LRRK2: variants seen among roughly 807,000 people sequenced by gnomAD.
LRRK2 encodes leucine rich repeat kinase 2.
A neutral mutation model predicts 302.6 loss-of-function variants in LRRK2; 203 were observed. The ratio of observed to expected loss-of-function variants is 0.67; its 90% CI spans 0.60 to 0.75. LRRK2 has a LOEUF of 0.75. LRRK2 is among the 30% of genes least tolerant of loss of function. LRRK2 has a pLI of 0.00. For synonymous variants in LRRK2, 1,066 were observed against 1,031.9 expected (o/e 1.03, Z -0.63); for missense variants, 2,830 against 2,951.0 (o/e 0.96, Z 0.95).
At chr12:40,353,126 G>A (rs1307713610) in intron 44 of LRRK2, among the ~76,000 whole-genome samples, 5 of 151,836 alleles carry the variant, frequency 3.3e-5, no homozygotes, top group Admixed American at 1.3e-4. Flanking sequence ...GCCCAGCGGA[G>A]ACGCTCCTCA....
At chr12:40,277,696 A>C (rs371482512) in intron 16 of LRRK2, among the ~76,000 whole-genome samples, 192 bp from the exon 17 acceptor site, 1 of 152,110 alleles carries the variant, frequency 6.6e-6, no homozygotes, top group Non-Finnish European at 1.5e-5. Context: ...TGTGCCTGCT[A>C]TATTTCTTAG....
intron 14 of LRRK2, among the ~76,000 whole-genome samples, chr12:40,266,797 A>G (rs1394018777): frequency 2.0e-5 from 3 of 152,106 alleles, no homozygotes; most frequent in Non-Finnish European, 4.4e-5. Flanking sequence ...TGTGGCACAT[A>G]TACACCATGG....
At chr12:40,359,096 A>C (rs1159256756) in intron 46 of LRRK2, among the ~76,000 whole-genome samples, 164 bp from the exon 47 acceptor site, 2 of 152,016 alleles carry the variant, frequency 1.3e-5, no homozygotes, top group Non-Finnish European at 2.9e-5. Flanking sequence ...CATTTATCAG[A>C]ACTAAGAGTT....
At chr12:40,287,113 C>T (rs1943954936) in intron 19 of LRRK2, among the ~76,000 whole-genome samples, 1 of 151,912 alleles carries the variant, frequency 6.6e-6, no homozygotes. Context: ...AAGTTAGTTC[C>T]ATAGAGATTC....
intron 13 of LRRK2, 129 bp from the exon 14 acceptor site, chr12:40,263,660 C>T (rs992055671): frequency 3.4e-6 from 2 of 588,800 alleles, no homozygotes; most frequent in Non-Finnish European, 6.0e-6. Flanking sequence ...GATAAGGAAA[C>T]ATGTACTAGA....
chr12:40,226,363 A>T (rs1290071285), intron 2 of LRRK2, among the ~76,000 whole-genome samples: 1 of 152,220 alleles, frequency 6.6e-6, no homozygotes, highest in Non-Finnish European at 1.5e-5. Context: ...CCTTCGGAGC[A>T]CTTAGAGATT....
At chr12:40,266,695 T>A (rs1469234592) in intron 14 of LRRK2, among the ~76,000 whole-genome samples, 1 of 152,076 alleles carries the variant, frequency 6.6e-6, no homozygotes, top group African/African-American at 2.4e-5. Flanking sequence ...ATAAAGACAC[T>A]TGCACACCTA....
intron 7 of LRRK2, among the ~76,000 whole-genome samples, chr12:40,247,197 G>A (rs1942023289): frequency 6.6e-6 from 1 of 151,780 alleles, no homozygotes; most frequent in Non-Finnish European, 1.5e-5. Flanking sequence ...TGTGTAATTT[G>A]GAAATTGATT....
chr12:40,246,092 G>T (rs528541822), intron 7 of LRRK2, among the ~76,000 whole-genome samples: 6 of 151,448 alleles, frequency 4.0e-5, no homozygotes, highest in African/African-American at 9.7e-5. Context: ...TCTTACAAGG[G>T]TTTAAACTTT....
At chr12:40,244,806 C>T (rs1050759353) in intron 7 of LRRK2, among the ~76,000 whole-genome samples, 6 of 150,896 alleles carry the variant, frequency 4.0e-5, no homozygotes, top group Non-Finnish European at 8.8e-5. Flanking sequence ...GTGGGTGCAG[C>T]GCACCAACAT....
chr12:40,255,342 G>A (rs1215015858), intron 11 of LRRK2, among the ~76,000 whole-genome samples: 4 of 152,266 alleles, frequency 2.6e-5, no homozygotes, highest in East Asian at 1.9e-4. Context: ...CCTGCAGGGC[G>A]TCGCATATTG....
chr12:40,239,795 T>TA (rs201655125), intron 5 of LRRK2, among the ~76,000 whole-genome samples: 4,981 of 151,916 alleles, frequency 0.033, 232 homozygotes, highest in South Asian at 0.12. Flanking sequence ...GGCATAAAAT[T>TA]AAAAAAAATG....
At chr12:40,284,241 A>G in intron 19 of LRRK2, 108 bp downstream of exon 19, 1 of 956,518 alleles carries the variant, frequency 1.0e-6, no homozygotes, top group East Asian at 2.7e-5. Flanking sequence ...CCTTAAGCCA[A>G]AGATATTGCA....
At chr12:40,280,804 C>A (rs1220460839) in intron 18 of LRRK2, among the ~76,000 whole-genome samples, 2 of 151,582 alleles carry the variant, frequency 1.3e-5, no homozygotes, top group African/African-American at 2.4e-5. Context: ...CGGTGGCTCA[C>A]GCCTGTAATC....
At chr12:40,252,759 T>C (rs1366683401) in intron 10 of LRRK2, 151 bp from the exon 11 acceptor site, 8 of 616,436 alleles carry the variant, frequency 1.3e-5, no homozygotes, top group Non-Finnish European at 2.3e-5. Flanking sequence ...TCTTAAAAAA[T>C]GAACTATAAT....
rs757049368 is a variant in LRRK2, at chr12:40,367,714, T to C, written c.7533T>C (p.Ile2511=). 6.2e-7 allele frequency: 1 copy of C among 1,604,954 alleles called. No homozygotes were observed. The highest frequency in any genetic ancestry group is 1.7e-5 in the Admixed American group (1 of 59,176). The change falls in exon 51 of 51, where the codon ATT becomes ATC. Residue 2511 remains isoleucine (I), a synonymous_variant. Coordinates refer to ENST00000298910, the MANE Select transcript of LRRK2 (RefSeq NM_198578.4). ...AAGTGCAAAATTTAGAAAAACACAT[T>C]GAAGTGAGAAAAGAATTAGCTGAAA... ...PHEVQNLEKH[I]EVRKELAEKM... is the part of the protein sequence containing the mutation.
Position 40,364,889 on chromosome 12 carries a change from A to T in LRRK2, c.7229A>T (p.Tyr2410Phe). Residue 2410 changes from tyrosine (Y) to phenylalanine (F), a missense_variant, in exon 49 of 51, where the codon TAT becomes TTT. Physicochemically the swap from Tyr to Phe is conservative, Grantham distance 22. Coordinates refer to ENST00000298910, the MANE Select transcript of LRRK2 (RefSeq NM_198578.4). Reference protein sequence around the residue: ...ENKESKHKMSYSGRVKTLCLQ... With the variant: ...ENKESKHKMSFSGRVKTLCLQ... The stretch of plus-strand genomic sequence containing the variant: ...AAGGAATCAAAACACAAAATGTCTT[A>T]TTCTGGGAGAGTGAAAACCCTCTGC... The T allele has an allele frequency of 6.2e-7, 1 of 1,612,404 alleles. No homozygotes were observed.
At chr12:40,310,321 A>G in intron 30 of LRRK2, 110 bp from the exon 31 acceptor site, 1 of 996,118 alleles carries the variant, frequency 1.0e-6, no homozygotes, top group Non-Finnish European at 1.6e-6. Context: ...GAAGTCTGCT[A>G]GTTTCTCTTT....
Position 40,363,460 on chromosome 12 carries a change from C to G in LRRK2, c.7087C>G (p.Leu2363Val), listed in dbSNP as rs1218220807. The G allele has an allele frequency of 1.2e-6, 2 of 1,611,956 alleles. No homozygotes were observed. The highest frequency in any genetic ancestry group is 1.7e-5 in the Admixed American group (1 of 59,818). The part of the protein sequence containing the change: ...NIITVVVDTA[L>V]YIAKQNSPVV... The stretch of plus-strand genomic sequence containing the variant: ...CATAACAGTGGTGGTAGACACTGCT[C>G]TCTATATTGCTAAGCAAAATAGCCC... The change falls in exon 48 of 51, where the codon CTC becomes GTC. Residue 2363 changes from leucine to valine, a missense_variant. Around this residue, in one of 3 missense-constraint regions of LRRK2, gnomAD observed 456 missense variants for 456.3 expected, o/e 1.00. Coordinates refer to ENST00000298910, the MANE Select transcript of LRRK2 (RefSeq NM_198578.4).
Sources: gnomAD v4.1 joint callset for allele counts (sites outside exome capture counted in the v4.1 genomes callset) on GRCh38, gnomAD v4.1.1 for gene constraint, gnomAD v4.1.1 regional missense constraint, MANE v1.5 for transcripts, NCBI Gene and HGNC (gene_info 2026-07-23, HGNC 2026-07-21) for gene names.